SERPINA12: variants seen among roughly 807,000 people sequenced by gnomAD.
SERPINA12 encodes serpin family A member 12.
SERPINA12 carries 21 observed loss-of-function variants against 25.9 expected under a neutral mutation model. The observed-to-expected ratio is 0.81, with a 90% CI of 0.58 to 1.17. SERPINA12 has a LOEUF of 1.17. SERPINA12 is among the 50% of genes most tolerant of loss of function. SERPINA12 has a pLI of 0.00. For missense variants in SERPINA12, 562 were observed against 508.3 expected (o/e 1.11, Z -1.02); for synonymous variants, 220 against 196.0 (o/e 1.12, Z -1.02).
At chr14:94,505,027 A>G (rs1900883482) in intron 1 of SERPINA12, among the ~76,000 whole-genome samples, 2 of 152,238 alleles carry the variant, frequency 1.3e-5, no homozygotes, top group South Asian at 4.1e-4. Flanking sequence ...CAACATGCCT[A>G]TCTTCAATTC....
intron 3 of SERPINA12, among the ~76,000 whole-genome samples, chr14:94,491,264 CA>C (rs1190937259): frequency 1.3e-5 from 2 of 152,162 alleles, no homozygotes; most frequent in African/African-American, 2.4e-5. Context: ...TAGCGGTATG[CA>C]GAAGGCAGTA....
intron 1 of SERPINA12, among the ~76,000 whole-genome samples, chr14:94,507,081 A>G (rs1900955441): frequency 6.6e-6 from 1 of 152,248 alleles, no homozygotes; most frequent in African/African-American, 2.4e-5. Flanking sequence ...GAAAACAACA[A>G]CAACAACAAC....
intron 1 of SERPINA12, among the ~76,000 whole-genome samples, chr14:94,500,731 G>A (rs1038836839): frequency 1.3e-5 from 2 of 152,182 alleles, no homozygotes; most frequent in Non-Finnish European, 2.9e-5. Flanking sequence ...CAAAGAGGAT[G>A]CATCCAAGGG....
intron 1 of SERPINA12, among the ~76,000 whole-genome samples, chr14:94,501,978 G>T (rs1469313551): frequency 6.6e-6 from 1 of 151,786 alleles, no homozygotes; most frequent in African/African-American, 2.4e-5. Flanking sequence ...CAATTGATAG[G>T]TTGCTCTCCT....
Position 94,491,502 on chromosome 14 carries a change from G to A in SERPINA12, c.906-1735C>T, listed in dbSNP as rs191593924. Among the ~76,000 whole-genome samples, 32 of 152,164 alleles carry A rather than the reference G, an allele frequency of 2.1e-4. No homozygotes were observed. In the East Asian group the frequency reaches 5.6e-3, roughly 27 times the overall value. ...TTAAGAATATACTCTTGGTGGTGGT[G>A]GTGTGTGTAGTGGGGATGGGCAAAA... is the stretch of plus-strand genomic sequence containing the variant. On this transcript the variant is annotated intron_variant, in intron 3 of 4. Coordinates refer to ENST00000677451, the MANE Select transcript of SERPINA12 (RefSeq NM_001382267.1).
At chr14:94,511,959 G>C (rs991808770), upstream of SERPINA12, among the ~76,000 whole-genome samples, 1 of 152,108 alleles carries the variant, frequency 6.6e-6, no homozygotes, top group Non-Finnish European at 1.5e-5. Flanking sequence ...TTAGCTGGGA[G>C]TGGTGTCTCG....
intron 1 of SERPINA12, among the ~76,000 whole-genome samples, chr14:94,508,689 G>T (rs138070809): frequency 2.0e-5 from 3 of 152,220 alleles, no homozygotes; most frequent in African/African-American, 7.2e-5. Flanking sequence ...GTAAAATTTG[G>T]AATCACAAAT....
intron 1 of SERPINA12, among the ~76,000 whole-genome samples, chr14:94,508,578 G>T (rs926690843): frequency 1.3e-5 from 2 of 152,092 alleles, no homozygotes; most frequent in African/African-American, 4.8e-5. Flanking sequence ...GAGTGAAAAA[G>T]AACTTCCTAA....
intron 3 of SERPINA12, among the ~76,000 whole-genome samples, chr14:94,490,024 TC>T (rs147882956): frequency 0.019 from 2,878 of 151,918 alleles, 80 homozygotes; most frequent in African/African-American, 0.066. Context: ...AGTCTCAAGT[TC>T]CCCCGTCTCA....
At chr14:94,489,149 G>GAGAGAGAA (rs1555376675) in intron 4 of SERPINA12, among the ~76,000 whole-genome samples, 5 of 145,822 alleles carry the variant, frequency 3.4e-5, no homozygotes, top group East Asian at 4.1e-4. Context: ...GAGAGAGAGA[G>GAGAGAGAA]AGAAAGAAAG....
upstream of SERPINA12, chr14:94,511,469 A>T (rs747363112): frequency 3.2e-5 from 32 of 985,474 alleles, no homozygotes; most frequent in Non-Finnish European, 3.9e-5. Flanking sequence ...GGAGAAATCA[A>T]GGAAATTCTG....
chr14:94,514,203 C>G (rs1012402519), upstream of SERPINA12, among the ~76,000 whole-genome samples: 5 of 152,184 alleles, frequency 3.3e-5, no homozygotes, highest in Non-Finnish European at 5.9e-5. Context: ...TTATTCTTAT[C>G]CTCATATAAC....
chr14:94,499,480 A>G, intron 1 of SERPINA12, among the ~76,000 whole-genome samples: 1 of 152,242 alleles, frequency 6.6e-6, no homozygotes, highest in African/African-American at 2.4e-5. Context: ...CTCTGGTTGG[A>G]CATACTACTG....
intron 3 of SERPINA12, among the ~76,000 whole-genome samples, chr14:94,494,188 T>C (rs1198793968): frequency 6.6e-6 from 1 of 152,006 alleles, no homozygotes; most frequent in Non-Finnish European, 1.5e-5. Flanking sequence ...CCCTCCCATT[T>C]CTTACCTTCT....
chr14:94,498,248 C>A lies in SERPINA12; in HGVS notation c.150G>T (p.Arg50Ser). The A allele has an allele frequency of 1.2e-6, 2 of 1,614,178 alleles. No individual in the cohort carries two copies. The highest frequency in any genetic ancestry group is 4.5e-5 in the East Asian group (2 of 44,882). The change falls in exon 2 of 5, where the codon AGG becomes AGT. Residue 50 changes from arginine to serine, a missense_variant. Coordinates refer to ENST00000677451, the MANE Select transcript of SERPINA12 (RefSeq NM_001382267.1). ...GCTTAAAGCCTAAGTCCATGTTCTG[C>A]CTTGCAAGCTCCTTGGCTGCCATCC... The part of the protein sequence containing the change: ...KQRMAAKELA[R>S]QNMDLGFKLL...
At chr14:94,492,309 A>C (rs1028382031) in intron 3 of SERPINA12, among the ~76,000 whole-genome samples, 1 of 152,168 alleles carries the variant, frequency 6.6e-6, no homozygotes, top group Non-Finnish European at 1.5e-5. Context: ...ATTCACCTGC[A>C]AAGGGGGAGT....
intron 1 of SERPINA12, among the ~76,000 whole-genome samples, chr14:94,506,166 G>A (rs914378463): frequency 3.3e-5 from 5 of 152,192 alleles, no homozygotes; most frequent in Non-Finnish European, 2.9e-5. Context: ...ATAAGTTAAT[G>A]GGCCTAAGGC....
upstream of SERPINA12, chr14:94,511,707 A>G: frequency 2.0e-6 from 2 of 985,414 alleles, no homozygotes; most frequent in Non-Finnish European, 2.4e-6. Context: ...AAAGAGGCAG[A>G]ACTTGAGTTG....
At chr14:94,511,128 G>A (rs1256661258), upstream of SERPINA12, among the ~76,000 whole-genome samples, 1 of 151,968 alleles carries the variant, frequency 6.6e-6, no homozygotes, top group Non-Finnish European at 1.5e-5. Context: ...ATTTATGGAA[G>A]GAAAATCGCA....
Sources: allele counts gnomAD v4.1 joint callset (sites outside exome capture counted in the v4.1 genomes callset), GRCh38; gene constraint gnomAD v4.1.1; transcripts MANE v1.5; gene names NCBI Gene and HGNC (gene_info 2026-07-23, HGNC 2026-07-21).